NRXN3: variants seen among roughly 807,000 people sequenced by gnomAD.
NRXN3 encodes the protein neurexin 3, also known as neurexin III.
A neutral mutation model predicts 137.6 loss-of-function variants in NRXN3; 32 were observed. The ratio of observed to expected loss-of-function variants is 0.23; its 90% CI spans 0.18 to 0.31. The LOEUF is 0.31. Among genes scored for constraint, NRXN3 ranks in the 10% least tolerant of loss-of-function variants. NRXN3 has a pLI of 1.00. For synonymous variants in NRXN3, 798 were observed against 784.5 expected, an observed-to-expected ratio of 1.02 and a Z score of -0.29; for missense variants, 1,574 against 2,062.5, an observed-to-expected ratio of 0.76 and a Z score of 4.59.
chr14:78,910,209 G>A (rs1310080278), intron 10 of NRXN3, among the ~76,000 whole-genome samples: 2 of 152,076 alleles, frequency 1.3e-5, no homozygotes, highest in Admixed American at 6.6e-5. Context: ...AGATATAGCA[G>A]AAAGAGCTCA....
chr14:79,306,122 T>C (rs2086019267), intron 15 of NRXN3, among the ~76,000 whole-genome samples: 1 of 152,128 alleles, frequency 6.6e-6, no homozygotes, highest in Non-Finnish European at 1.5e-5. Flanking sequence ...TTTGCAGTGC[T>C]GCAGAGCTTC....
At chr14:78,751,166 T>C (rs2098639860) in intron 8 of NRXN3, among the ~76,000 whole-genome samples, 1 of 152,176 alleles carries the variant, frequency 6.6e-6, no homozygotes, top group South Asian at 2.1e-4. Flanking sequence ...ACAGTTAATC[T>C]CTGCATTATG....
Position 78,674,359 on chromosome 14 carries a change from C to G in NRXN3, c.1221+23033C>G, listed in dbSNP as rs1277343157. On this transcript the variant is annotated intron_variant, in intron 6 of 20. Coordinates refer to ENST00000335750, the MANE Select transcript of NRXN3 (RefSeq NM_001330195.2). ...AATAATGGGGGACCTTTCTGAAGCCCTGGATCCCTGGCCAATGCACCCTAC... is the reference window on the plus strand; with the variant it reads ...AATAATGGGGGACCTTTCTGAAGCCGTGGATCCCTGGCCAATGCACCCTAC... 2.0e-5 allele frequency among the ~76,000 whole-genome samples: 3 copies of G among 152,288 alleles called. No individual in the cohort carries two copies. In the East Asian group the frequency reaches 5.8e-4, roughly 29 times the overall value.
At chr14:79,055,233 G>A (rs2099656169) in intron 15 of NRXN3, among the ~76,000 whole-genome samples, 1 of 152,154 alleles carries the variant, frequency 6.6e-6, no homozygotes, top group African/African-American at 2.4e-5. Flanking sequence ...TGCCAAGACA[G>A]GTGGATCATG....
chr14:78,657,675 T>C (rs1486902547), intron 6 of NRXN3, among the ~76,000 whole-genome samples: 1 of 152,262 alleles, frequency 6.6e-6, no homozygotes, highest in African/African-American at 2.4e-5. Context: ...AGATGATTAA[T>C]GGCTTAATCT....
At chr14:79,198,847 A>T (rs2065489080) in intron 15 of NRXN3, among the ~76,000 whole-genome samples, 1 of 152,216 alleles carries the variant, frequency 6.6e-6, no homozygotes, top group African/African-American at 2.4e-5. Flanking sequence ...AAAGACTACA[A>T]GTAATTTCTG....
rs73316479 is a variant in NRXN3, at chr14:78,470,768, G to A, written c.757+172908G>A. Among the ~76,000 whole-genome samples the A allele has an allele frequency of 9.9e-5, 15 of 152,118 alleles. No homozygotes were observed. In the South Asian group the frequency reaches 2.5e-3, roughly 25 times the overall value. ...CATCTATGACAATGTTTAGTATCAC[G>A]CTTTTTTACATTTTGAAGCACTTTA... On this transcript the variant is annotated intron_variant, in intron 4 of 20. Coordinates refer to ENST00000335750, the MANE Select transcript of NRXN3 (RefSeq NM_001330195.2).
At chr14:78,814,615 A>G (rs914735078) in intron 10 of NRXN3, among the ~76,000 whole-genome samples, 1 of 152,154 alleles carries the variant, frequency 6.6e-6, no homozygotes, top group African/African-American at 2.4e-5. Context: ...CTCCATCTCA[A>G]AAACAAAAAC....
At chr14:78,996,211 C>T (rs1053902035) in intron 15 of NRXN3, among the ~76,000 whole-genome samples, 1 of 151,908 alleles carries the variant, frequency 6.6e-6, no homozygotes, top group Non-Finnish European at 1.5e-5. Context: ...GTTTTTTAAC[C>T]GCTTAACAGT....
intron 17 of NRXN3, among the ~76,000 whole-genome samples, chr14:79,678,382 C>A (rs903732835): frequency 6.6e-6 from 1 of 152,180 alleles, no homozygotes; most frequent in Non-Finnish European, 1.5e-5. Context: ...CTATAAATCT[C>A]TGTGGTAGAA....
intron 10 of NRXN3, among the ~76,000 whole-genome samples, chr14:78,896,179 G>T (rs1309924486): frequency 6.6e-6 from 1 of 151,828 alleles, no homozygotes; most frequent in African/African-American, 2.4e-5. Context: ...AACTAGGTAT[G>T]CTTGTGATAG....
At chr14:78,926,298 A>T (rs914301699) in intron 10 of NRXN3, among the ~76,000 whole-genome samples, 35 of 152,284 alleles carry the variant, frequency 2.3e-4, no homozygotes, top group East Asian at 1.9e-4. Flanking sequence ...TTAAAAAAAT[A>T]GAACAACTGT....
In NRXN3 at chr14:78,628,336, G is replaced by A. The variant is rs147574331; in HGVS notation, c.758-16784G>A. ...TCCTTCTGAGTCACCAGGATTTCAGGCATAAGCCAATATGGCTCAGCAAAT... is the reference window on the plus strand; with the variant it reads ...TCCTTCTGAGTCACCAGGATTTCAGACATAAGCCAATATGGCTCAGCAAAT... On this transcript the variant is annotated intron_variant, in intron 4 of 20. Transcript: ENST00000335750. Among the ~76,000 whole-genome samples, 142 of 152,166 alleles carry A rather than the reference G, an allele frequency of 9.3e-4. 1 individual carries two copies. The highest frequency in any genetic ancestry group is 3.3e-3 in the African/African-American group (136 of 41,526).
At chr14:79,448,210 G>T (rs914317034) in intron 15 of NRXN3, among the ~76,000 whole-genome samples, 15 of 151,968 alleles carry the variant, frequency 9.9e-5, no homozygotes, top group African/African-American at 3.6e-4. Flanking sequence ...TATTTCCTCT[G>T]CCTTGAACTC....
intron 15 of NRXN3, among the ~76,000 whole-genome samples, chr14:79,261,182 G>A (rs2077524854): frequency 6.6e-6 from 1 of 152,152 alleles, no homozygotes; most frequent in Non-Finnish European, 1.5e-5. Flanking sequence ...GACACAGGGA[G>A]AAGAAACGAA....
In NRXN3 at chr14:78,385,615, A is replaced by G. The variant is rs139579605; in HGVS notation, c.757+87755A>G. 7.0e-4 allele frequency among the ~76,000 whole-genome samples: 107 copies of G among 152,304 alleles called. No homozygotes were observed. In the East Asian group the frequency reaches 0.018, roughly 25 times the overall value. On this transcript the variant is annotated intron_variant, in intron 4 of 20. Coordinates refer to ENST00000335750, the MANE Select transcript of NRXN3 (RefSeq NM_001330195.2). Reference sequence around the variant, plus strand: ...AAGGCCAGTGATTGGGAAATATTCTATGTATGAAATGGCAGTTCTACTGGT... The same window carrying G: ...AAGGCCAGTGATTGGGAAATATTCTGTGTATGAAATGGCAGTTCTACTGGT...
At position 79,211,122 on chromosome 14, in the gene NRXN3, T is replaced by C. The variant is rs186079438; in HGVS notation, c.3262+222981T>C. Among the ~76,000 whole-genome samples the C allele has an allele frequency of 1.8e-4, 27 of 152,310 alleles. No homozygotes were observed. The East Asian group carries it at 4.2e-3, about 24-fold the overall frequency. On this transcript the variant is annotated intron_variant, in intron 15 of 20. Transcript: ENST00000335750. ...CAATGGTCCAGGTTTCGGAACCAAA[T>C]AGCCTAAATTTGTGTCTGGACCCCA...
intron 15 of NRXN3, among the ~76,000 whole-genome samples, chr14:79,319,410 A>G (rs988803193): frequency 6.6e-6 from 1 of 152,216 alleles, no homozygotes; most frequent in Admixed American, 6.5e-5. Flanking sequence ...GTTTAGCTGT[A>G]TCCTCAGGAC....
At chr14:78,715,921 A>C (rs1163463620) in intron 8 of NRXN3, among the ~76,000 whole-genome samples, 1 of 152,134 alleles carries the variant, frequency 6.6e-6, no homozygotes, top group Non-Finnish European at 1.5e-5. Flanking sequence ...TTGGAAGGAG[A>C]CCTAACATAC....
Sources: allele counts gnomAD v4.1 joint callset (sites outside exome capture counted in the v4.1 genomes callset), GRCh38; gene constraint gnomAD v4.1.1; transcripts MANE v1.5; gene names NCBI Gene and HGNC (gene_info 2026-07-23, HGNC 2026-07-21).